The following PARD3 variants were observed in gnomAD, a reference collection of about 807,000 sequenced individuals.
PARD3 encodes the protein partitioning defective 3 homolog.
Under a neutral mutation model 155.4 loss-of-function variants are expected in PARD3, and 75 were observed. The observed-to-expected ratio is 0.48, with a 90% CI of 0.40 to 0.58. The LOEUF is 0.58. Among genes scored for constraint, PARD3 ranks in the 20% least tolerant of loss-of-function variants. The pLI, the probability that PARD3 is intolerant of heterozygous loss-of-function variation, is 0.00. For synonymous variants in PARD3, 576 were observed against 610.5 expected, an observed-to-expected ratio of 0.94 and a Z score of 0.83; for missense variants, 1,642 against 1,721.7, an observed-to-expected ratio of 0.95 and a Z score of 0.82.
intron 22 of PARD3, among the ~76,000 whole-genome samples, chr10:34,134,528 T>C (rs1193914854): frequency 6.6e-6 from 1 of 152,224 alleles, no homozygotes; most frequent in African/African-American, 2.4e-5. Flanking sequence ...GTATCCTCAA[T>C]GTTAAATTCT....
At chr10:34,659,940 C>T (rs2093279313) in intron 2 of PARD3, among the ~76,000 whole-genome samples, 1 of 152,208 alleles carries the variant, frequency 6.6e-6, no homozygotes, top group Non-Finnish European at 1.5e-5. Context: ...AGGTTATTTA[C>T]ATTAGCCACA....
intron 20 of PARD3, among the ~76,000 whole-genome samples, chr10:34,298,360 G>C (rs1318900714): frequency 6.6e-6 from 1 of 152,144 alleles, no homozygotes; most frequent in Non-Finnish European, 1.5e-5. Context: ...GTGCATCGAC[G>C]TGGGAATGGA....
chr10:34,743,615 T>TA (rs1049429394), intron 1 of PARD3, among the ~76,000 whole-genome samples: 2 of 152,174 alleles, frequency 1.3e-5, no homozygotes, highest in African/African-American at 2.4e-5. Flanking sequence ...CTCCCGTATC[T>TA]AAAAATCTGC....
intron 14 of PARD3, among the ~76,000 whole-genome samples, chr10:34,348,813 G>A (rs1379270439): frequency 1.3e-5 from 2 of 152,082 alleles, no homozygotes; most frequent in Admixed American, 6.6e-5. Flanking sequence ...CAAGATAGGA[G>A]GATTTCAAAA....
chr10:34,655,120 T>G (rs1208961540), intron 2 of PARD3, among the ~76,000 whole-genome samples: 1 of 151,366 alleles, frequency 6.6e-6, no homozygotes, highest in Non-Finnish European at 1.5e-5. Context: ...TCAAGTGACT[T>G]TTATGTGCCT....
At chr10:34,644,156 A>G (rs1022617805) in intron 2 of PARD3, among the ~76,000 whole-genome samples, 3 of 152,158 alleles carry the variant, frequency 2.0e-5, no homozygotes, top group African/African-American at 7.2e-5. Flanking sequence ...ATTCAAAACT[A>G]TTTATCCCTG....
intron 1 of PARD3, among the ~76,000 whole-genome samples, chr10:34,784,062 T>A (rs920662193): frequency 1.3e-5 from 2 of 151,990 alleles, no homozygotes; most frequent in African/African-American, 4.8e-5. Context: ...TTCTTAAAAA[T>A]TAGCCAGGCA....
At chr10:34,764,771 G>C (rs916309924) in intron 1 of PARD3, among the ~76,000 whole-genome samples, 6 of 152,106 alleles carry the variant, frequency 3.9e-5, no homozygotes, top group African/African-American at 1.4e-4. Flanking sequence ...GTGGGAGCAG[G>C]GTTTCCCTCA....
chr10:34,522,891 C>T (rs1345852846), intron 2 of PARD3, among the ~76,000 whole-genome samples: 1 of 152,152 alleles, frequency 6.6e-6, no homozygotes, highest in Non-Finnish European at 1.5e-5. Context: ...GTCAAAGATC[C>T]TATTTTCTCC....
At chr10:34,501,222 T>C (rs960244084) in intron 3 of PARD3, among the ~76,000 whole-genome samples, 1 of 152,170 alleles carries the variant, frequency 6.6e-6, no homozygotes, top group Non-Finnish European at 1.5e-5. Flanking sequence ...GGGAGGTGTC[T>C]GAATCCTGGG....
chr10:34,299,443 G>A (rs1463300283), intron 20 of PARD3, among the ~76,000 whole-genome samples: 4 of 152,134 alleles, frequency 2.6e-5, no homozygotes. Context: ...CTAATCAGAC[G>A]GCTGTCCACC....
At chr10:34,205,780 A>T in intron 22 of PARD3, among the ~76,000 whole-genome samples, 1 of 152,054 alleles carries the variant, frequency 6.6e-6, no homozygotes, top group East Asian at 1.9e-4. Context: ...GGTCAAGAAA[A>T]AGCCACATAT....
chr10:34,225,890 A>T (rs1469438243), intron 22 of PARD3, among the ~76,000 whole-genome samples: 1 of 152,228 alleles, frequency 6.6e-6, no homozygotes, highest in East Asian at 1.9e-4. Flanking sequence ...GAAAAATTGG[A>T]TTCATCGAAA....
intron 2 of PARD3, among the ~76,000 whole-genome samples, chr10:34,550,552 G>GA (rs1160858902): frequency 3.3e-5 from 5 of 151,050 alleles, no homozygotes; most frequent in East Asian, 1.9e-4. Flanking sequence ...TTACCACCTA[G>GA]AAAAAAAACA....
chr10:34,330,969 G>A (rs149047333), intron 19 of PARD3, 148 bp downstream of exon 19: 32 of 639,232 alleles, frequency 5.0e-5, no homozygotes, highest in South Asian at 3.7e-4. Context: ...AAATAATATC[G>A]TCTTATTATG....
intron 2 of PARD3, among the ~76,000 whole-genome samples, chr10:34,610,422 G>A (rs1433309687): frequency 1.3e-5 from 2 of 152,080 alleles, no homozygotes; most frequent in East Asian, 1.9e-4. Context: ...AGAATTGGTC[G>A]GACATTATGG....
chr10:34,379,167 G>C (rs1424712003), intron 9 of PARD3, among the ~76,000 whole-genome samples: 4 of 151,966 alleles, frequency 2.6e-5, no homozygotes, highest in Non-Finnish European at 5.9e-5. Context: ...ATCTAGAAAA[G>C]AGCACATTAA....
chr10:34,413,075 G>T (rs1369383993), intron 5 of PARD3, among the ~76,000 whole-genome samples: 1 of 151,452 alleles, frequency 6.6e-6, no homozygotes, highest in African/African-American at 2.4e-5. Context: ...ATAGACTAGG[G>T]TGAAGTGGGT....
At chr10:34,663,808 A>AG (rs1325487989) in intron 2 of PARD3, 1 of 150,444 alleles carries the variant, frequency 6.6e-6, no homozygotes, top group Non-Finnish European at 1.5e-5. Context: ...ATTCTTTAAA[A>AG]GAAAAAAAAA....
Sources: gnomAD v4.1 joint callset for allele counts (sites outside exome capture counted in the v4.1 genomes callset) on GRCh38, gnomAD v4.1.1 for gene constraint, MANE v1.5 for transcripts, NCBI Gene and HGNC (gene_info 2026-07-23, HGNC 2026-07-21) for gene names.